Variants in SLC26A4 observed in about 807,000 individuals in gnomAD.
SLC26A4 encodes pendrin.
In SLC26A4, 93 loss-of-function variants were observed where a neutral mutation model predicts 90.4. The ratio of observed to expected loss-of-function variants is 1.03; its 90% CI spans 0.87 to 1.22. The LOEUF (loss-of-function observed/expected upper bound fraction) is 1.22, where lower values mean the gene tolerates loss of function less well. SLC26A4 is among the 50% of genes most tolerant of loss of function. The probability of loss-of-function intolerance (pLI) is 0.00; values close to 1 mark genes in which losing one functional copy is unlikely to be tolerated. For synonymous variants in SLC26A4, 393 were observed against 354.6 expected (o/e 1.11, Z -1.22); for missense variants, 1,127 against 946.2 (o/e 1.19, Z -2.51).
At chr7:107,688,002 G>A (rs1436378275) in intron 8 of SLC26A4, among the ~76,000 whole-genome samples, 2 of 152,200 alleles carry the variant, frequency 1.3e-5, no homozygotes, top group East Asian at 3.9e-4. Flanking sequence ...GGTAGGGAGA[G>A]TAAGGCTACA....
At chr7:107,708,846 T>G in intron 18 of SLC26A4, among the ~76,000 whole-genome samples, 1 of 151,626 alleles carries the variant, frequency 6.6e-6, no homozygotes, top group Non-Finnish European at 1.5e-5. Flanking sequence ...AATGGGGGGA[T>G]GTTGTTATGA....
At chr7:107,675,285 T>TAAAAAAAA (rs60022317) in intron 6 of SLC26A4, among the ~76,000 whole-genome samples, 176 bp downstream of exon 6, 1 of 96,780 alleles carries the variant, frequency 1.0e-5, no homozygotes, top group African/African-American at 4.0e-5. Flanking sequence ...CCTCATCTCT[T>TAAAAAAAA]AAAAAAAAAA....
intron 3 of SLC26A4, among the ~76,000 whole-genome samples, chr7:107,666,053 G>A (rs17154292): frequency 0.015 from 2,301 of 152,174 alleles, 69 homozygotes; most frequent in African/African-American, 0.053. Flanking sequence ...TGCACTCAGT[G>A]GTTCATTAAC....
chr7:107,686,643 A>G (rs1438794475), intron 8 of SLC26A4, among the ~76,000 whole-genome samples: 1 of 151,928 alleles, frequency 6.6e-6, no homozygotes, highest in Non-Finnish European at 1.5e-5. Flanking sequence ...ACACACTGCC[A>G]TGCCTGGCTA....
chr7:107,670,770 T>C (rs950650540), intron 3 of SLC26A4, among the ~76,000 whole-genome samples: 3 of 152,122 alleles, frequency 2.0e-5, no homozygotes, highest in Non-Finnish European at 2.9e-5. Flanking sequence ...TTTTCTCTCA[T>C]TGTGAGTGAG....
intron 10 of SLC26A4, chr7:107,692,100 A>T (rs1258176907): frequency 7.8e-7 from 1 of 1,287,720 alleles, no homozygotes; most frequent in East Asian, 5.6e-5. Context: ...ATGTAAAGTG[A>T]CCTCCTTGGC....
At chr7:107,665,901 T>C (rs1032450927) in intron 3 of SLC26A4, among the ~76,000 whole-genome samples, 1 of 152,238 alleles carries the variant, frequency 6.6e-6, no homozygotes, top group East Asian at 1.9e-4. Flanking sequence ...AAGATGCTTT[T>C]CTAGAAACAT....
chr7:107,670,082 T>C lies in SLC26A4; in HGVS notation c.305-2056T>C, dbSNP rs149283010. On this transcript the variant is annotated intron_variant, in intron 3 of 20. Coordinates refer to ENST00000644269, the MANE Select transcript of SLC26A4 (RefSeq NM_000441.2). ...TATTGTGTTTCTTGTATATGTAAAT[T>C]ACTTCATATTTTATTCAAAATACCT... is the stretch of plus-strand genomic sequence containing the variant. Among the ~76,000 whole-genome samples, 1,159 of 151,678 alleles carry C rather than the reference T, an allele frequency of 7.6e-3. 22 individuals carry two copies. Among genetic ancestry groups the C allele is most frequent in the African/African-American group, 0.027 (1,096 of 41,310 alleles).
At chr7:107,694,861 C>T (rs1791693622) in intron 12 of SLC26A4, 145 bp downstream of exon 12, 1 of 701,642 alleles carries the variant, frequency 1.4e-6, no homozygotes, top group East Asian at 2.7e-5. Context: ...GGGGATAAAT[C>T]AAAGCCATGA....
At chr7:107,691,929 G>A (rs1379537734) in intron 10 of SLC26A4, 3 of 1,286,530 alleles carry the variant, frequency 2.3e-6, no homozygotes, top group Non-Finnish European at 3.0e-6. Flanking sequence ...TCAGCAGCAG[G>A]AACTTCTGCT....
intron 8 of SLC26A4, among the ~76,000 whole-genome samples, chr7:107,685,263 A>G (rs1370572114): frequency 2.0e-5 from 3 of 152,136 alleles, no homozygotes; most frequent in African/African-American, 7.2e-5. Context: ...ACAAGCCACA[A>G]CAAAGGCCTT....
At position 107,691,510 on chromosome 7, in the gene SLC26A4, T is replaced by TACACACACAC. The variant is rs780039045; in HGVS notation, c.1263+1274_1263+1275insCACACACACA. Among the ~76,000 whole-genome samples, 802 of 51,140 alleles carry TACACACACAC rather than the reference T, an allele frequency of 0.016. 10 individuals are homozygous for TACACACACAC. The East Asian group carries it at 0.21, about 13-fold the overall frequency. 33.5% of individuals were successfully genotyped at this position (51,140 alleles called of 152,430 possible). On this transcript the variant is annotated intron_variant, in intron 10 of 20. Coordinates refer to ENST00000644269, the MANE Select transcript of SLC26A4 (RefSeq NM_000441.2). ...AGAGCTAGACTCTGTGTCAAATATA[T>TACACACACAC]ATATACACACACACACACACACACA...
intron 3 of SLC26A4, among the ~76,000 whole-genome samples, chr7:107,671,688 A>C (rs1790871209): frequency 6.6e-6 from 1 of 152,228 alleles, no homozygotes; most frequent in African/African-American, 2.4e-5. Flanking sequence ...GTAAATTGAG[A>C]GTATCTGTGT....
Position 107,694,442 on chromosome 7 carries a change from A to G in SLC26A4, c.1303A>G (p.Ile435Val). 1.2e-6 allele frequency: 2 copies of G among 1,613,776 alleles called. No homozygotes were observed. The highest frequency in any genetic ancestry group is 1.1e-5 in the South Asian group (1 of 91,076). Residue 435 changes from isoleucine (I) to valine (V), a missense_variant, in exon 11 of 21, where the codon ATT becomes GTT. Coordinates refer to ENST00000644269, the MANE Select transcript of SLC26A4 (RefSeq NM_000441.2). ...CTCTGCTGCGATTGTGATGATCGCCATTCTTGCCCTGGGGAAGCTTCTGGA... is the reference window on the plus strand; with the variant it reads ...CTCTGCTGCGATTGTGATGATCGCCGTTCTTGCCCTGGGGAAGCTTCTGGA... ...IISAAIVMIAILALGKLLEPL... is the reference protein window; with the variant it reads ...IISAAIVMIAVLALGKLLEPL...
chr7:107,691,136 CACACACAT>C (rs1401892624), intron 10 of SLC26A4, among the ~76,000 whole-genome samples: 201 of 151,518 alleles, frequency 1.3e-3, no homozygotes, highest in African/African-American at 4.7e-3. Context: ...CACACACACA[CACACACAT>C]GCACACACAC....
At chr7:107,697,244 A>G (rs1228080515) in intron 13 of SLC26A4, among the ~76,000 whole-genome samples, 2 of 152,208 alleles carry the variant, frequency 1.3e-5, no homozygotes, top group Non-Finnish European at 2.9e-5. Flanking sequence ...TAGCTTATAA[A>G]CTTTTAAGTT....
chr7:107,670,531 T>C (rs1455821918), intron 3 of SLC26A4, among the ~76,000 whole-genome samples: 1 of 152,188 alleles, frequency 6.6e-6, no homozygotes, highest in Non-Finnish European at 1.5e-5. Context: ...TCCCTCTTAC[T>C]TCACATCTCT....
At chr7:107,684,594 T>A (rs999904700) in intron 8 of SLC26A4, among the ~76,000 whole-genome samples, 1 of 152,202 alleles carries the variant, frequency 6.6e-6, no homozygotes, top group African/African-American at 2.4e-5. Context: ...CATTACAGTG[T>A]TTCTCAAACT....
rs1460611476 is a variant in SLC26A4, at chr7:107,712,522, GTGTTCTCTT to G, written c.2236-15_2236-7del. 1 of 1,322,174 alleles carries G rather than the reference GTGTTCTCTT, an allele frequency of 7.6e-7. No homozygotes were observed. Among genetic ancestry groups the G allele is most frequent in the Non-Finnish European group, 1.1e-6 (1 of 914,082 alleles). The allele number at this position is 1,322,174 out of a possible 1,614,324, so 81.9% of individuals were successfully genotyped here. A position where few individuals can be genotyped will look rare whatever the true frequency, so the allele number is the denominator to read the frequency against. On this transcript the variant is annotated splice_polypyrimidine_tract_variant and splice_region_variant and intron_variant, in intron 19 of 20. Coordinates refer to ENST00000644269, the MANE Select transcript of SLC26A4 (RefSeq NM_000441.2). The stretch of plus-strand genomic sequence containing the variant: ...GTTGATGCTATTCTATTTCTACCCT[GTGTTCTCTT>G]TTTCAAGATCACTCTCATTCAGGAT...
Sources: allele counts gnomAD v4.1 joint callset (sites outside exome capture counted in the v4.1 genomes callset), GRCh38; gene constraint gnomAD v4.1.1; transcripts MANE v1.5; gene names NCBI Gene and HGNC (gene_info 2026-07-23, HGNC 2026-07-21).